The following VAV2 variants were observed in gnomAD, a reference collection of about 807,000 sequenced individuals.
VAV2 encodes the protein guanine nucleotide exchange factor VAV2.
Under a neutral mutation model 132.5 loss-of-function variants are expected in VAV2, and 67 were observed. The ratio of observed to expected loss-of-function variants is 0.51; its 90% CI spans 0.42 to 0.62. VAV2 has a LOEUF of 0.62. VAV2 is among the 20% of genes least tolerant of loss of function. The probability of loss-of-function intolerance (pLI) is 0.00; values close to 1 mark genes in which losing one functional copy is unlikely to be tolerated. For missense variants in VAV2, 938 were observed against 1,153.6 expected (o/e 0.81, Z 2.71); for synonymous variants, 492 against 443.5 (o/e 1.11, Z -1.37).
Position 133,959,267 on chromosome 9 carries a change from C to T in VAV2, c.205-20048G>A, listed in dbSNP as rs115761631. Reference sequence around the variant, plus strand: ...GCTGTCACCTGGGGCAGCTGCTGCACGGAAGCCACAAGAGAGGCACAGCTG... The same window carrying T: ...GCTGTCACCTGGGGCAGCTGCTGCATGGAAGCCACAAGAGAGGCACAGCTG... On this transcript the variant is annotated intron_variant, in intron 1 of 29. Coordinates refer to ENST00000371850, the MANE Select transcript of VAV2 (RefSeq NM_001134398.2). Among the ~76,000 whole-genome samples the T allele has an allele frequency of 5.4e-3, 815 of 152,288 alleles. 3 individuals are homozygous for T. Among genetic ancestry groups the T allele is most frequent in the African/African-American group, 0.018 (758 of 41,552 alleles).
At chr9:133,903,767 G>A (rs1003387744) in intron 2 of VAV2, among the ~76,000 whole-genome samples, 1 of 152,184 alleles carries the variant, frequency 6.6e-6, no homozygotes, top group African/African-American at 2.4e-5. Context: ...TGCTGGCGAG[G>A]GAAAAGGGGT....
rs1275929703 is a variant in VAV2 at position 133,769,092 on chromosome 9, C to T, written c.2434+325G>A. 6.6e-6 allele frequency among the ~76,000 whole-genome samples: 1 copy of T among 152,256 alleles called. No individual in the cohort carries two copies. Among genetic ancestry groups the T allele is most frequent in the Admixed American group, 6.5e-5 (1 of 15,284 alleles). On this transcript the variant is annotated intron_variant, in intron 28 of 29. Coordinates refer to ENST00000371850, the MANE Select transcript of VAV2 (RefSeq NM_001134398.2). The surrounding 1 kb of genome is among the most constrained non-coding windows in gnomAD (Gnocchi z 8.1). ...GTCCCACAGCTCCTCCTCGTGGCCA[C>T]CTGCTTTCTGCTACCAGAGGCAAAG...
At chr9:133,929,924 T>C (rs2519096) in intron 2 of VAV2, among the ~76,000 whole-genome samples, 143,368 of 152,294 alleles carry the variant, frequency 0.94, 67,847 homozygotes, top group Non-Finnish European at 1. Context: ...AGAACCCTTT[T>C]TTTAAGCAAA....
In VAV2 at chr9:133,941,975, G is replaced by A. The variant is rs146509958; in HGVS notation, c.205-2756C>T. Among the ~76,000 whole-genome samples, 8 of 152,172 alleles carry A rather than the reference G, an allele frequency of 5.3e-5. No homozygotes were observed. The East Asian group carries it at 1.5e-3, about 29-fold the overall frequency. ...AGAAAGGAGAATAGTGGGCGCCCTC[G>A]AAGGGCTGAGCGATGGGGTGGTTTC... On this transcript the variant is annotated intron_variant, in intron 1 of 29. Transcript: ENST00000371850.
At chr9:133,944,958 C>T (rs1204409993) in intron 1 of VAV2, among the ~76,000 whole-genome samples, 2 of 152,238 alleles carry the variant, frequency 1.3e-5, no homozygotes, top group South Asian at 2.1e-4. Flanking sequence ...CTACGCGTCT[C>T]GGTGCGCTGA....
At chr9:133,810,945 C>T (rs1835334888) in intron 5 of VAV2, among the ~76,000 whole-genome samples, 1 of 152,214 alleles carries the variant, frequency 6.6e-6, no homozygotes, top group African/African-American at 2.4e-5. Context: ...CTTGACCAGT[C>T]AGAGCTCATT....
In VAV2 at chr9:133,764,223, C is replaced by T. The variant is rs550032299; in HGVS notation, c.2590-114G>A. On this transcript the variant is annotated intron_variant, in intron 29 of 29. Transcript: ENST00000371850. ...AGGCTCATGAAGATGGGGGGCCCTT[C>T]GGAAGTCCAGAGTTCTCAGAAGGAC... The T allele has an allele frequency of 4.5e-5, 62 of 1,371,016 alleles. No individual in the cohort carries two copies. The African/African-American group carries it at 6.7e-4, about 15-fold the overall frequency. 84.9% of individuals were successfully genotyped at this position (1,371,016 alleles called of 1,614,324 possible). A position where few individuals can be genotyped will look rare whatever the true frequency, so the allele number is the denominator to read the frequency against.
At chr9:133,986,008 T>G (rs974531735) in intron 1 of VAV2, among the ~76,000 whole-genome samples, 4 of 150,736 alleles carry the variant, frequency 2.7e-5, no homozygotes, top group African/African-American at 9.8e-5. Context: ...CTGAGAGAGA[T>G]GAGCAGAGAA....
chr9:133,807,842 C>T (rs1363287659), intron 7 of VAV2, among the ~76,000 whole-genome samples: 2 of 152,240 alleles, frequency 1.3e-5, no homozygotes, highest in Non-Finnish European at 1.5e-5. Flanking sequence ...GCTCCAGCCT[C>T]AGGCGGGATG....
At chr9:133,964,047 AT>A (rs1842060232) in intron 1 of VAV2, among the ~76,000 whole-genome samples, 1 of 88,998 alleles carries the variant, frequency 1.1e-5, no homozygotes. Flanking sequence ...ATATATATAT[AT>A]ACATATATAT....
intron 1 of VAV2, among the ~76,000 whole-genome samples, chr9:133,979,607 G>T (rs570799985): frequency 6.6e-6 from 1 of 152,190 alleles, no homozygotes; most frequent in East Asian, 1.9e-4. Flanking sequence ...CACGGCCGCC[G>T]GCAGGACAGG....
At chr9:133,871,899 A>ACCT (rs1838070371) in intron 2 of VAV2, among the ~76,000 whole-genome samples, 1 of 151,848 alleles carries the variant, frequency 6.6e-6, no homozygotes, top group African/African-American at 2.4e-5. Flanking sequence ...CTGAGCCCCC[A>ACCT]GCAGGTGGTT....
At chr9:133,938,397 C>T (rs185918229) in intron 2 of VAV2, among the ~76,000 whole-genome samples, 99 of 152,248 alleles carry the variant, frequency 6.5e-4, no homozygotes, top group Non-Finnish European at 1.2e-3. Context: ...GGCAGGTGGC[C>T]CCTGCGTCCC....
Position 133,883,633 on chromosome 9 carries a change from G to A in VAV2, c.322-22201C>T, listed in dbSNP as rs181138208. ...GCAGCAGGCAGGTTTCAGCTCGGCC[G>A]GAGCAGGCCCTCAGGCACTGGACCT... On this transcript the variant is annotated intron_variant, in intron 2 of 29. Transcript: ENST00000371850. This position sits in a 1 kb window ranked among gnomAD's most constrained non-coding sequence, Gnocchi z 4.2. Among the ~76,000 whole-genome samples, 60 of 152,318 alleles carry A rather than the reference G, an allele frequency of 3.9e-4. No individual in the cohort carries two copies. The highest frequency in any genetic ancestry group is 1.1e-3 in the African/African-American group (45 of 41,572).
intron 2 of VAV2, among the ~76,000 whole-genome samples, chr9:133,920,336 G>A (rs1226241541): frequency 1.3e-5 from 2 of 152,220 alleles, no homozygotes; most frequent in African/African-American, 4.8e-5. Context: ...CAAGACAGCT[G>A]AGGGCGCTTT....
Position 133,812,187 on chromosome 9 carries a change from T to G in VAV2, c.479A>C (p.Asp160Ala). The change falls in exon 5 of 30, where the codon GAC becomes GCC. Residue 160 changes from aspartate (D) to alanine (A), a missense_variant. Physicochemically the swap from Asp to Ala is moderately radical, Grantham distance 126. Transcript: ENST00000371850. ...CCCTCCATCCTCACACGGGACGCAGTCGTAGATGTCCTCCCCCAGGTCATG... is the reference window on the plus strand; with the variant it reads ...CCCTCCATCCTCACACGGGACGCAGGCGTAGATGTCCTCCCCCAGGTCATG... Reference protein sequence around the residue: ...DEHDLGEDIYDCVPCEDGGDD... With the variant: ...DEHDLGEDIYACVPCEDGGDD... The G allele has an allele frequency of 6.2e-7, 1 of 1,613,864 alleles. No homozygotes were observed. Among genetic ancestry groups the G allele is most frequent in the Non-Finnish European group, 8.5e-7 (1 of 1,179,988 alleles).
At position 133,907,815 on chromosome 9, in the gene VAV2, C is replaced by A. The variant is rs1047514799; in HGVS notation, c.321+31288G>T. ...CATTGGCAGTCCAACTGCAGTGGCA[C>A]AGACGGCACAGTGGGGAGAGCCGGG... On this transcript the variant is annotated intron_variant, in intron 2 of 29. Transcript: ENST00000371850. 2.6e-5 allele frequency among the ~76,000 whole-genome samples: 4 copies of A among 152,342 alleles called. No individual in the cohort carries two copies. The South Asian group carries it at 8.3e-4, about 32-fold the overall frequency.
chr9:133,891,038 G>A (rs1052915414), intron 2 of VAV2, among the ~76,000 whole-genome samples: 11 of 150,570 alleles, frequency 7.3e-5, no homozygotes, highest in Non-Finnish European at 1.6e-4. Flanking sequence ...GAAGTTAAAT[G>A]AAATAAGGTA....
In VAV2 at chr9:133,902,398, C is replaced by T. The variant is rs565114060; in HGVS notation, c.321+36705G>A. ...GCTGCGGCCTTGGGGCTACCACATC[C>T]CCAGATTTGCGGAGCCTGAAATGCG... On this transcript the variant is annotated intron_variant, in intron 2 of 29. Transcript: ENST00000371850. Among the ~76,000 whole-genome samples, 3 of 152,324 alleles carry T rather than the reference C, an allele frequency of 2.0e-5. No individual in the cohort carries two copies. In the South Asian group the frequency reaches 6.2e-4, roughly 32 times the overall value.
Sources: allele counts gnomAD v4.1 joint callset (sites outside exome capture counted in the v4.1 genomes callset), GRCh38; gene constraint gnomAD v4.1.1; non-coding constraint Gnocchi (gnomAD v3.1); transcripts MANE v1.5; gene names NCBI Gene and HGNC (gene_info 2026-07-23, HGNC 2026-07-21).